The following DOCK4 variants were observed in gnomAD, a reference collection of about 807,000 sequenced individuals.
DOCK4 encodes dedicator of cytokinesis protein 4.
A neutral mutation model predicts 268.1 loss-of-function variants in DOCK4; 97 were observed. That is an observed-to-expected ratio of 0.36 (90% CI 0.31 to 0.43). The LOEUF (loss-of-function observed/expected upper bound fraction) is 0.43. DOCK4 is among the 20% of genes least tolerant of loss of function. DOCK4 has a pLI of 1.00. For synonymous variants in DOCK4, 954 were observed against 887.2 expected, an observed-to-expected ratio of 1.08 and a Z score of -1.34; for missense variants, 2,145 against 2,455.7, an observed-to-expected ratio of 0.87 and a Z score of 2.67.
chr7:112,149,304 AG>A (rs1316109722), intron 1 of DOCK4, among the ~76,000 whole-genome samples: 12 of 152,176 alleles, frequency 7.9e-5, no homozygotes, highest in African/African-American at 2.9e-4. Context: ...AACAGCCCAT[AG>A]GCTGACATAA....
Position 111,840,725 on chromosome 7 carries a change from A to G in DOCK4, c.2736+4038T>C, listed in dbSNP as rs568984771. The G allele has an allele frequency of 2.7e-6, 3 of 1,093,464 alleles. No homozygotes were observed. The South Asian group carries it at 4.7e-5, about 17-fold the overall frequency. The allele number at this position is 1,093,464 out of a possible 1,614,324, so 67.7% of individuals were successfully genotyped here. On this transcript the variant is annotated intron_variant, in intron 25 of 52. Transcript: ENST00000428084. ...ATGGTGCTTACAGAGCACTGGAAGA[A>G]TTCACAATGGCACATTGTGGGATCT...
At chr7:112,077,578 G>A (rs1309910105) in intron 1 of DOCK4, among the ~76,000 whole-genome samples, 1 of 152,106 alleles carries the variant, frequency 6.6e-6, no homozygotes, top group African/African-American at 2.4e-5. Context: ...ATTCCAAAGT[G>A]AGTTGTGGTA....
At chr7:111,964,106 A>G (rs1797181626) in intron 8 of DOCK4, among the ~76,000 whole-genome samples, 1 of 148,616 alleles carries the variant, frequency 6.7e-6, no homozygotes, top group African/African-American at 2.5e-5. Context: ...AAAGATGGGG[A>G]AAAAAACAGA....
chr7:112,034,414 T>TGG (rs570561132), intron 1 of DOCK4, among the ~76,000 whole-genome samples: 26 of 152,276 alleles, frequency 1.7e-4, no homozygotes, highest in Middle Eastern at 3.4e-3. Context: ...GACTAAACCC[T>TGG]GAACATCCTC....
At chr7:111,978,533 A>G (rs1459006857) in intron 7 of DOCK4, among the ~76,000 whole-genome samples, 1 of 152,152 alleles carries the variant, frequency 6.6e-6, no homozygotes, top group Non-Finnish European at 1.5e-5. Flanking sequence ...AGCCCAGCCT[A>G]AAGATCCAGA....
chr7:112,076,623 C>A (rs1048372558), intron 1 of DOCK4, among the ~76,000 whole-genome samples: 4 of 152,120 alleles, frequency 2.6e-5, no homozygotes, highest in Non-Finnish European at 5.9e-5. Flanking sequence ...AAAACCTCAT[C>A]TTGTTGGGAA....
intron 20 of DOCK4, among the ~76,000 whole-genome samples, chr7:111,870,095 C>A (rs574378542): frequency 2.6e-4 from 39 of 152,204 alleles, no homozygotes; most frequent in African/African-American, 9.4e-4. Flanking sequence ...GAGACAATGC[C>A]TCCCCACTGC....
At chr7:112,070,373 G>C (rs147767262) in intron 1 of DOCK4, among the ~76,000 whole-genome samples, 57 of 152,236 alleles carry the variant, frequency 3.7e-4, no homozygotes, top group African/African-American at 1.3e-3. Context: ...GTAACTATGG[G>C]AATTGATATA....
chr7:111,911,599 C>T (rs1311669578), intron 13 of DOCK4, among the ~76,000 whole-genome samples: 1 of 151,992 alleles, frequency 6.6e-6, no homozygotes, highest in African/African-American at 2.4e-5. Flanking sequence ...CAAGGTGGTA[C>T]CGGAAAGGGA....
chr7:111,838,203 G>A (rs989991092), intron 25 of DOCK4, among the ~76,000 whole-genome samples: 1 of 150,738 alleles, frequency 6.6e-6, no homozygotes, highest in Admixed American at 6.6e-5. Flanking sequence ...TTGAAAGGCT[G>A]ATCTAACTTT....
chr7:112,000,817 A>G (rs1232059994), intron 2 of DOCK4, among the ~76,000 whole-genome samples: 1 of 152,244 alleles, frequency 6.6e-6, no homozygotes, highest in African/African-American at 2.4e-5. Flanking sequence ...ATTGGGCTTC[A>G]ATTCTGGCTT....
Position 112,050,238 on chromosome 7 carries a change from T to A in DOCK4, c.38-46107A>T, listed in dbSNP as rs145946005. Among the ~76,000 whole-genome samples the A allele has an allele frequency of 8.6e-3, 1,317 of 152,270 alleles. 9 individuals are homozygous for A. Among genetic ancestry groups the A allele is most frequent in the Non-Finnish European group, 0.012 (832 of 67,986 alleles). ...TTAAAACACTTTAAAATACTGGTCA[T>A]CTTTGAACCAGTCTTGTTTGTATTT... On this transcript the variant is annotated intron_variant, in intron 1 of 52. Transcript: ENST00000428084.
chr7:112,137,880 T>A (rs1814508945), intron 1 of DOCK4, among the ~76,000 whole-genome samples: 1 of 152,232 alleles, frequency 6.6e-6, no homozygotes, highest in South Asian at 2.1e-4. Context: ...TAATACTTGC[T>A]TCATAGGCTT....
At chr7:111,961,337 G>A (rs992992989) in intron 8 of DOCK4, among the ~76,000 whole-genome samples, 4 of 152,004 alleles carry the variant, frequency 2.6e-5, no homozygotes, top group African/African-American at 9.7e-5. Flanking sequence ...CCCTTCTGCC[G>A]TTGCTTCAGG....
chr7:111,898,365 G>A (rs936446950), intron 15 of DOCK4, among the ~76,000 whole-genome samples: 26 of 152,172 alleles, frequency 1.7e-4, no homozygotes, highest in Non-Finnish European at 2.6e-4. Context: ...CCTTATAAGC[G>A]AAGTCTTTCC....
At chr7:112,167,828 T>A (rs1479447909) in intron 1 of DOCK4, among the ~76,000 whole-genome samples, 1 of 152,186 alleles carries the variant, frequency 6.6e-6, no homozygotes, top group Non-Finnish European at 1.5e-5. Flanking sequence ...ACTTTTAATT[T>A]CATTATTATA....
intron 1 of DOCK4, among the ~76,000 whole-genome samples, chr7:112,081,840 C>T (rs754108384): frequency 6.6e-6 from 1 of 152,112 alleles, no homozygotes; most frequent in Non-Finnish European, 1.5e-5. Context: ...TCTAAGGTAT[C>T]ACAGTATAAA....
intron 1 of DOCK4, among the ~76,000 whole-genome samples, chr7:112,093,605 TG>T (rs1809837866): frequency 6.6e-6 from 1 of 152,192 alleles, no homozygotes; most frequent in Non-Finnish European, 1.5e-5. Context: ...GCAAAAGTAT[TG>T]TTCCTTTTAA....
intron 3 of DOCK4, 121 bp from the exon 4 acceptor site, chr7:111,998,624 T>C (rs1800167259): frequency 1.8e-6 from 1 of 552,052 alleles, no homozygotes; most frequent in Non-Finnish European, 3.0e-6. Flanking sequence ...AAAAGCAACA[T>C]CTCTACCACA....
Sources: gnomAD v4.1 joint callset for allele counts (sites outside exome capture counted in the v4.1 genomes callset) on GRCh38, gnomAD v4.1.1 for gene constraint, MANE v1.5 for transcripts, NCBI Gene and HGNC (gene_info 2026-07-23, HGNC 2026-07-21) for gene names.